The following NEK11 variants were observed in gnomAD, a reference collection of about 807,000 sequenced individuals.
The protein encoded by NEK11 is NIMA related kinase 11.
A neutral mutation model predicts 80.7 loss-of-function variants in NEK11; 72 were observed. The ratio of observed to expected loss-of-function variants is 0.89; its 90% CI spans 0.74 to 1.08. The LOEUF (loss-of-function observed/expected upper bound fraction) is 1.08. NEK11 is among the 50% of genes least tolerant of loss of function. The pLI is 0.00. For synonymous variants in NEK11, 251 were observed against 260.7 expected (o/e 0.96, Z 0.36); for missense variants, 764 against 763.6 (o/e 1.00, Z -0.01).
At chr3:131,067,030 T>TA (rs959977819) in intron 3 of NEK11, among the ~76,000 whole-genome samples, 1 of 152,198 alleles carries the variant, frequency 6.6e-6, no homozygotes, top group African/African-American at 2.4e-5. Context: ...GTCTCATGTA[T>TA]GGCGCTTACT....
At chr3:131,053,665 G>A in intron 3 of NEK11, 1 of 152,222 alleles carries the variant, frequency 6.6e-6, no homozygotes, top group East Asian at 1.9e-4. Flanking sequence ...TGTACTCCAG[G>A]AACTGACATT....
At chr3:131,220,520 T>G (rs2094984372) in intron 14 of NEK11, among the ~76,000 whole-genome samples, 1 of 152,170 alleles carries the variant, frequency 6.6e-6, no homozygotes, top group South Asian at 2.1e-4. Flanking sequence ...GAGGCCACAT[T>G]GAGATACAAG....
intron 14 of NEK11, among the ~76,000 whole-genome samples, chr3:131,220,200 C>T (rs761858002): frequency 5.3e-5 from 8 of 152,164 alleles, no homozygotes; most frequent in Non-Finnish European, 1.2e-4. Context: ...GGCAACTCAG[C>T]ACAATGCCTA....
chr3:131,214,191 T>C (rs1319250579), intron 14 of NEK11, among the ~76,000 whole-genome samples: 1 of 152,208 alleles, frequency 6.6e-6, no homozygotes, highest in Non-Finnish European at 1.5e-5. Context: ...ACTAAGATAT[T>C]GGTCTAGTTT....
intron 3 of NEK11, among the ~76,000 whole-genome samples, chr3:131,049,795 G>T (rs981083286): frequency 2.6e-5 from 4 of 152,220 alleles, no homozygotes; most frequent in African/African-American, 9.6e-5. Flanking sequence ...TTTTCTAAAA[G>T]TAGAGATCTT....
chr3:131,094,614 A>T (rs879370459), intron 4 of NEK11, among the ~76,000 whole-genome samples: 7 of 152,196 alleles, frequency 4.6e-5, no homozygotes, highest in Non-Finnish European at 7.3e-5. Flanking sequence ...GGAGTATTCC[A>T]TAAAGCAAAC....
intron 17 of NEK11, among the ~76,000 whole-genome samples, chr3:131,322,754 T>A (rs2096909980): frequency 6.6e-6 from 1 of 152,180 alleles, no homozygotes; most frequent in Admixed American, 6.5e-5. Flanking sequence ...TGTGATGGCC[T>A]TGGCTCCTCT....
At chr3:131,052,626 G>A (rs1054372265) in intron 3 of NEK11, among the ~76,000 whole-genome samples, 7 of 152,086 alleles carry the variant, frequency 4.6e-5, no homozygotes, top group African/African-American at 9.7e-5. Context: ...TATGTCTCTC[G>A]AAGGTAGTAT....
chr3:131,166,576 A>G (rs1006126232), intron 12 of NEK11, among the ~76,000 whole-genome samples: 6 of 152,318 alleles, frequency 3.9e-5, no homozygotes, highest in Middle Eastern at 6.8e-3. Flanking sequence ...CCTCTGTTTG[A>G]TGGACCAGTT....
chr3:131,212,615 A>G lies in NEK11; in HGVS notation c.1400-15913A>G, dbSNP rs573010553. Among the ~76,000 whole-genome samples the G allele has an allele frequency of 3.0e-3, 459 of 152,308 alleles. 1 individual carries two copies. The highest frequency in any genetic ancestry group is 6.8e-3 in the Middle Eastern group (2 of 294). ...TTCTATTAGGCCATCTTTGTTAAGA[A>G]ACTGTTAATTACCCTTGCCAAAAAG... On this transcript the variant is annotated intron_variant, in intron 14 of 17. Coordinates refer to ENST00000383366, the MANE Select transcript of NEK11 (RefSeq NM_024800.5).
rs1161943454 is a variant in NEK11, at chr3:131,182,103, ACT to A, written c.1399+11219_1399+11220del. 2.6e-5 allele frequency among the ~76,000 whole-genome samples: 4 copies of A among 151,248 alleles called. No individual in the cohort carries two copies. In the East Asian group the frequency reaches 7.8e-4, roughly 29 times the overall value. On this transcript the variant is annotated intron_variant, in intron 14 of 17. Coordinates refer to ENST00000383366, the MANE Select transcript of NEK11 (RefSeq NM_024800.5). ...GAGATCCCCTAGAATCACCTGTCAAACTCTTTCATTTTTTGAAGTGAAATAGC... is the reference window on the plus strand; with the variant it reads ...GAGATCCCCTAGAATCACCTGTCAAACTTTCATTTTTTGAAGTGAAATAGC...
At chr3:131,191,731 C>T (rs2093804796) in intron 14 of NEK11, among the ~76,000 whole-genome samples, 1 of 152,064 alleles carries the variant, frequency 6.6e-6, no homozygotes, top group Non-Finnish European at 1.5e-5. Context: ...GAGTTAAGGA[C>T]AGTCTTTTCA....
chr3:131,171,443 A>G (rs2150066360), intron 14 of NEK11, among the ~76,000 whole-genome samples: 1 of 152,304 alleles, frequency 6.6e-6, no homozygotes, highest in Non-Finnish European at 1.5e-5. Context: ...CTCTATTTTC[A>G]CTTGGAATAA....
intron 17 of NEK11, among the ~76,000 whole-genome samples, chr3:131,286,203 A>G (rs544228243): frequency 6.6e-6 from 1 of 152,266 alleles, no homozygotes; most frequent in South Asian, 2.1e-4. Context: ...CAAGCAAACA[A>G]TCCTAAAGCA....
At chr3:131,202,471 G>A (rs1369319386) in intron 14 of NEK11, among the ~76,000 whole-genome samples, 2 of 152,180 alleles carry the variant, frequency 1.3e-5, no homozygotes, top group East Asian at 1.9e-4. Flanking sequence ...CAGGTCCCAC[G>A]CCCATGGAGC....
Position 131,146,955 on chromosome 3 carries a change from A to G in NEK11, c.648-5433A>G, listed in dbSNP as rs996580134. On this transcript the variant is annotated intron_variant, in intron 7 of 17. Coordinates refer to ENST00000383366, the MANE Select transcript of NEK11 (RefSeq NM_024800.5). ...TTTTGGTAGTCTGATGAATATTTGA[A>G]TTGCAAATATCTTACACTATGTGTC... Among the ~76,000 whole-genome samples, 4 of 152,198 alleles carry G rather than the reference A, an allele frequency of 2.6e-5. No homozygotes were observed. The South Asian group carries it at 6.2e-4, about 24-fold the overall frequency.
At chr3:131,335,420 C>G (rs2097164521) in intron 17 of NEK11, among the ~76,000 whole-genome samples, 1 of 152,146 alleles carries the variant, frequency 6.6e-6, no homozygotes, top group Non-Finnish European at 1.5e-5. Context: ...ATTCAACAAC[C>G]TTCATGCTAA....
At chr3:131,046,523 C>T (rs188379957) in intron 3 of NEK11, among the ~76,000 whole-genome samples, 2 of 151,500 alleles carry the variant, frequency 1.3e-5, no homozygotes, top group Non-Finnish European at 2.9e-5. Context: ...TTTTGCCTCA[C>T]AGCTCTTTTT....
intron 3 of NEK11, among the ~76,000 whole-genome samples, chr3:131,067,004 A>G (rs1021300868): frequency 9.2e-5 from 14 of 152,130 alleles, no homozygotes; most frequent in African/African-American, 2.4e-4. Context: ...AGCACAGTAC[A>G]TGGTGCCAAA....
Sources: gnomAD v4.1 joint callset for allele counts (sites outside exome capture counted in the v4.1 genomes callset) on GRCh38, gnomAD v4.1.1 for gene constraint, MANE v1.5 for transcripts, NCBI Gene and HGNC (gene_info 2026-07-23, HGNC 2026-07-21) for gene names.